KCNH5: variants seen among roughly 807,000 people sequenced by gnomAD.
KCNH5 encodes the protein voltage-gated delayed rectifier potassium channel KCNH5.
KCNH5 carries 46 observed loss-of-function variants against 96.1 expected under a neutral mutation model. The observed-to-expected ratio is 0.48, with a 90% CI of 0.38 to 0.61. The LOEUF (loss-of-function observed/expected upper bound fraction) is 0.61, where lower values mean the gene tolerates loss of function less well. KCNH5 is among the 20% of genes least tolerant of loss of function. The probability of loss-of-function intolerance (pLI) is 0.00; values close to 1 mark genes in which losing one functional copy is unlikely to be tolerated. For missense variants in KCNH5, 907 were observed against 1,225.8 expected (o/e 0.74, Z 3.88); for synonymous variants, 439 against 449.8 (o/e 0.98, Z 0.30).
intron 10 of KCNH5, among the ~76,000 whole-genome samples, chr14:62,736,517 G>T (rs1176730558): frequency 2.0e-5 from 3 of 151,784 alleles, no homozygotes; most frequent in Non-Finnish European, 2.9e-5. Context: ...CCAGACAAAA[G>T]ACATGCCGGC....
intron 7 of KCNH5, among the ~76,000 whole-genome samples, chr14:62,926,699 T>A (rs1044509941): frequency 1.3e-5 from 2 of 152,046 alleles, no homozygotes; most frequent in African/African-American, 4.8e-5. Context: ...CTCTCCCTCT[T>A]CTTATGAGGA....
At chr14:62,950,968 T>C (rs1037521745) in intron 6 of KCNH5, among the ~76,000 whole-genome samples, 1 of 152,236 alleles carries the variant, frequency 6.6e-6, no homozygotes, top group Non-Finnish European at 1.5e-5. Context: ...TCTAAAAGGT[T>C]TCTTTTCATT....
At chr14:62,783,895 C>T (rs1886268669) in intron 9 of KCNH5, among the ~76,000 whole-genome samples, 1 of 150,810 alleles carries the variant, frequency 6.6e-6, no homozygotes, top group Non-Finnish European at 1.5e-5. Context: ...AACTGAGGTG[C>T]CAAGACTAAA....
chr14:62,920,099 T>C (rs537263061), intron 7 of KCNH5, among the ~76,000 whole-genome samples: 1 of 152,262 alleles, frequency 6.6e-6, no homozygotes, highest in South Asian at 2.1e-4. Flanking sequence ...TTTCTGATCA[T>C]GCTGCCAGTT....
intron 10 of KCNH5, among the ~76,000 whole-genome samples, chr14:62,747,468 AT>A (rs1332422437): frequency 6.6e-6 from 1 of 152,204 alleles, no homozygotes; most frequent in Non-Finnish European, 1.5e-5. Flanking sequence ...ACTGGAACAT[AT>A]TTGTATAATA....
Position 62,703,301 on chromosome 14 carries a change from A to T in KCNH5, c.*4207T>A, listed in dbSNP as rs1884375453. On this transcript the variant is annotated 3_prime_UTR_variant, in exon 11 of 11. Transcript: ENST00000322893. ...CTAAAAGAATATTTAGATAAAAATCACATCACCGTCAATCCCTGAAATCTC... is the reference window on the plus strand; with the variant it reads ...CTAAAAGAATATTTAGATAAAAATCTCATCACCGTCAATCCCTGAAATCTC... 1 of 151,918 alleles carries T rather than the reference A, an allele frequency of 6.6e-6. No homozygotes were observed. The highest frequency in any genetic ancestry group is 2.4e-5 in the African/African-American group (1 of 41,450). 9.4% of individuals were successfully genotyped at this position (151,918 alleles called of 1,614,324 possible). A position where few individuals can be genotyped will look rare whatever the true frequency, so the allele number is the denominator to read the frequency against.
intron 10 of KCNH5, among the ~76,000 whole-genome samples, chr14:62,748,459 T>A (rs1885425410): frequency 6.6e-6 from 1 of 152,184 alleles, no homozygotes; most frequent in Non-Finnish European, 1.5e-5. Context: ...AGGCTCGGAA[T>A]GCCTACCTTT....
intron 7 of KCNH5, among the ~76,000 whole-genome samples, chr14:62,865,223 T>C (rs1888110983): frequency 6.6e-6 from 1 of 152,062 alleles, no homozygotes; most frequent in Non-Finnish European, 1.5e-5. Context: ...TTGTTGGGTT[T>C]AGACACAGAC....
intron 6 of KCNH5, among the ~76,000 whole-genome samples, chr14:62,951,353 T>C (rs1941233803): frequency 6.6e-6 from 1 of 152,232 alleles, no homozygotes; most frequent in African/African-American, 2.4e-5. Flanking sequence ...GTCCCATAGT[T>C]ACTTTTTTGG....
chr14:62,895,021 A>C (rs927725494), intron 7 of KCNH5, among the ~76,000 whole-genome samples: 1 of 152,234 alleles, frequency 6.6e-6, no homozygotes, highest in South Asian at 2.1e-4. Context: ...TAATGAAAGG[A>C]GAGTTGACAT....
At position 62,986,368 on chromosome 14, in the gene KCNH5, C is replaced by T. The variant is rs145576761; in HGVS notation, c.549+704G>A. Among the ~76,000 whole-genome samples, 65 of 152,258 alleles carry T rather than the reference C, an allele frequency of 4.3e-4. No homozygotes were observed. The East Asian group carries it at 0.011, about 26-fold the overall frequency. On this transcript the variant is annotated intron_variant, in intron 5 of 10. Coordinates refer to ENST00000322893, the MANE Select transcript of KCNH5 (RefSeq NM_139318.5). ...GGTCATTTTCCTGGCACATGAGACA[C>T]CAACCACCACCATTTCACTATATGC...
chr14:62,832,466 A>G (rs1479161050), intron 8 of KCNH5, among the ~76,000 whole-genome samples: 1 of 152,122 alleles, frequency 6.6e-6, no homozygotes, highest in Non-Finnish European at 1.5e-5. Flanking sequence ...TGAATTATAT[A>G]TCGTTGTTCG....
At chr14:62,877,182 C>A (rs1028710524) in intron 7 of KCNH5, among the ~76,000 whole-genome samples, 2 of 151,824 alleles carry the variant, frequency 1.3e-5, no homozygotes, top group African/African-American at 2.4e-5. Flanking sequence ...ACACCTTATA[C>A]AAAAATTAAT....
intron 7 of KCNH5, among the ~76,000 whole-genome samples, chr14:62,896,256 A>C (rs1185425781): frequency 2.0e-5 from 3 of 152,206 alleles, no homozygotes; most frequent in Non-Finnish European, 4.4e-5. Flanking sequence ...CTATGAATCA[A>C]CCAGACTTCC....
chr14:62,807,224 A>C (rs923935867), intron 8 of KCNH5, among the ~76,000 whole-genome samples: 1 of 152,188 alleles, frequency 6.6e-6, no homozygotes, highest in Admixed American at 6.6e-5. Context: ...GAAAACAAAA[A>C]ATAAAAAACA....
chr14:62,791,434 C>G (rs1402094548), intron 9 of KCNH5, among the ~76,000 whole-genome samples: 2 of 151,378 alleles, frequency 1.3e-5, no homozygotes, highest in Admixed American at 6.6e-5. Flanking sequence ...CTATCAATAC[C>G]CTTAAATGTA....
chr14:62,723,549 C>A (rs1189265245), intron 10 of KCNH5, among the ~76,000 whole-genome samples: 1 of 152,218 alleles, frequency 6.6e-6, no homozygotes, highest in African/African-American at 2.4e-5. Flanking sequence ...TATAGACATT[C>A]ATTCACAGTT....
intron 8 of KCNH5, among the ~76,000 whole-genome samples, chr14:62,848,075 T>C (rs775557354): frequency 6.6e-6 from 1 of 152,248 alleles, no homozygotes; most frequent in Non-Finnish European, 1.5e-5. Context: ...GCTCAGACTC[T>C]TTTCAAATAC....
intron 7 of KCNH5, among the ~76,000 whole-genome samples, chr14:62,900,196 T>C (rs2140092449): frequency 6.6e-6 from 1 of 152,310 alleles, no homozygotes; most frequent in South Asian, 2.1e-4. Context: ...CACAGAATAA[T>C]TGTCAACAAT....
Sources: gnomAD v4.1 joint callset for allele counts (sites outside exome capture counted in the v4.1 genomes callset) on GRCh38, gnomAD v4.1.1 for gene constraint, MANE v1.5 for transcripts, NCBI Gene and HGNC (gene_info 2026-07-23, HGNC 2026-07-21) for gene names.